PAPPA: variants seen among roughly 807,000 people sequenced by gnomAD.
PAPPA encodes pappalysin 1.
In PAPPA, 60 loss-of-function variants were observed where a neutral mutation model predicts 164.0. The observed-to-expected ratio is 0.37, with a 90% confidence interval of 0.30 to 0.45. PAPPA has a LOEUF of 0.45. PAPPA is among the 20% of genes least tolerant of loss of function. The pLI, the probability that PAPPA is intolerant of heterozygous loss-of-function variation, is 1.00. For missense variants in PAPPA, 1,782 were observed against 2,087.3 expected (o/e 0.85, Z 2.85); for synonymous variants, 875 against 814.1 (o/e 1.07, Z -1.27).
At chr9:116,393,119 G>T (rs187327998) in intron 21 of PAPPA, among the ~76,000 whole-genome samples, 1 of 152,302 alleles carries the variant, frequency 6.6e-6, no homozygotes, top group East Asian at 1.9e-4. Context: ...TGGTGGCAAG[G>T]CCTTACCAGC....
At chr9:116,363,170 A>T (rs10817872) in intron 18 of PAPPA, among the ~76,000 whole-genome samples, 52,917 of 152,036 alleles carry the variant, frequency 0.35, 9,496 homozygotes, top group Middle Eastern at 0.41. Context: ...ATTAATCTTG[A>T]AATTTGCATC....
chr9:116,334,967 G>T lies in PAPPA; in HGVS notation c.3504G>T (p.Ser1168=), dbSNP rs764994982. The T allele has an allele frequency of 1.2e-6, 2 of 1,613,546 alleles. No individual in the cohort carries two copies. The highest frequency in any genetic ancestry group is 1.7e-6 in the Non-Finnish European group (2 of 1,179,912). Residue 1168 remains serine (S), a synonymous_variant, in exon 13 of 22, where the codon TCG becomes TCT. Transcript: ENST00000328252. ...AGGCGGTACGTGTGAGCTTCAGTTC[G>T]CCCCTGGTCGCCATCTCGGGGGTGG... ...HSQAVRVSFS[S]PLVAISGVAL... is the part of the protein sequence containing the mutation.
intron 1 of PAPPA, among the ~76,000 whole-genome samples, chr9:116,155,728 C>A (rs1052378212): frequency 3.3e-5 from 5 of 152,132 alleles, no homozygotes; most frequent in African/African-American, 1.2e-4. Context: ...CTTGGACTTT[C>A]ACAGATGTAG....
At chr9:116,320,258 T>A (rs547365224) in intron 10 of PAPPA, among the ~76,000 whole-genome samples, 1 of 152,010 alleles carries the variant, frequency 6.6e-6, no homozygotes, top group African/African-American at 2.4e-5. Context: ...TGTGGGGAGG[T>A]GCCAGCCTGA....
intron 17 of PAPPA, among the ~76,000 whole-genome samples, chr9:116,355,323 A>G (rs932716266): frequency 6.6e-6 from 1 of 152,244 alleles, no homozygotes; most frequent in Non-Finnish European, 1.5e-5. Context: ...TACAGATGAG[A>G]AAACCAAGAC....
At chr9:116,291,626 C>T (rs1218596043) in intron 9 of PAPPA, among the ~76,000 whole-genome samples, 2 of 152,000 alleles carry the variant, frequency 1.3e-5, no homozygotes, top group South Asian at 2.1e-4. Flanking sequence ...AAGACAAGGG[C>T]CAGAAATATC....
intron 20 of PAPPA, among the ~76,000 whole-genome samples, chr9:116,380,846 C>A (rs145249366): frequency 2.0e-5 from 3 of 152,322 alleles, no homozygotes; most frequent in Non-Finnish European, 2.9e-5. Context: ...GAATTTGGAA[C>A]AGAGAGGCAA....
At chr9:116,192,376 C>T (rs964229180) in intron 2 of PAPPA, among the ~76,000 whole-genome samples, 2 of 152,138 alleles carry the variant, frequency 1.3e-5, no homozygotes, top group African/African-American at 4.8e-5. Flanking sequence ...TGGCTGAGAT[C>T]CAGACCATGA....
In PAPPA at chr9:116,232,947, G is replaced by A. The variant is rs140228945; in HGVS notation, c.2234-2192G>A. ...AGATTTGTCATCTTTGCTCTCCTGT[G>A]GCTTCCCACCCCTGACAGTCATTTT... On this transcript the variant is annotated intron_variant, in intron 6 of 21. Transcript: ENST00000328252. 7.0e-3 allele frequency among the ~76,000 whole-genome samples: 1,072 copies of A among 152,212 alleles called. 16 individuals carry two copies. The highest frequency in any genetic ancestry group is 0.025 in the African/African-American group (1,030 of 41,532).
intron 1 of PAPPA, among the ~76,000 whole-genome samples, chr9:116,180,121 G>A (rs549530891): frequency 3.9e-5 from 6 of 152,212 alleles, no homozygotes; most frequent in East Asian, 1.9e-4. Flanking sequence ...ACCTGTAATC[G>A]CTGGGATCTT....
chr9:116,164,007 G>T (rs184608091), intron 1 of PAPPA, among the ~76,000 whole-genome samples: 1 of 152,204 alleles, frequency 6.6e-6, no homozygotes, highest in East Asian at 1.9e-4. Context: ...CAGAAAACTT[G>T]CTGAGTGACT....
chr9:116,157,826 A>G (rs1843621279), intron 1 of PAPPA, among the ~76,000 whole-genome samples: 1 of 152,032 alleles, frequency 6.6e-6, no homozygotes, highest in African/African-American at 2.4e-5. Context: ...GTTGTTTCTG[A>G]CACATCCCTT....
chr9:116,164,124 G>T (rs1843696690), intron 1 of PAPPA, among the ~76,000 whole-genome samples: 1 of 152,112 alleles, frequency 6.6e-6, no homozygotes, highest in African/African-American at 2.4e-5. Context: ...TAGACCACCG[G>T]CCTTGTAGTA....
Position 116,187,516 on chromosome 9 carries a change from A to G in PAPPA, c.778A>G (p.Lys260Glu), listed in dbSNP as rs1843987237. 1 of 1,614,154 alleles carries G rather than the reference A, an allele frequency of 6.2e-7. No individual in the cohort carries two copies. The highest frequency in any genetic ancestry group is 8.5e-7 in the Non-Finnish European group (1 of 1,180,002). ...RGYIEHFSLW[K>E]VARTQREILS... ...CTACATCGAGCACTTCAGTCTGTGG[A>G]AGGTGGCCAGGACTCAGCGGGAGAT... is the stretch of plus-strand genomic sequence containing the variant. The change falls in exon 2 of 22, where the codon AAG (lysine) becomes GAG (glutamate). Residue 260 changes from lysine (K) to glutamate (E), a missense_variant. Physicochemically the swap from Lys to Glu is moderately conservative, Grantham distance 56 (BLOSUM62 1). This residue lies in a region of PAPPA where 458 missense variants were observed against 430.3 expected (regional missense o/e 1.06). Transcript: ENST00000328252. This position sits in a 1 kb window ranked among gnomAD's most constrained non-coding sequence, Gnocchi z 4.2.
chr9:116,265,933 G>A lies in PAPPA; in HGVS notation c.2809G>A (p.Ala937Thr). The A allele has an allele frequency of 1.2e-6, 2 of 1,612,764 alleles. No individual in the cohort carries two copies. Among genetic ancestry groups the A allele is most frequent in the Non-Finnish European group, 1.7e-6 (2 of 1,178,824 alleles). ...AACTGAAGAGAGTGAGCCATCACCT[G>A]CTGTCACATACATCCATGGAAGTGG... ...SGTEESEPSP[A>T]VTYIHGSGYC... Residue 937 changes from alanine to threonine, a missense_variant, in exon 8 of 22, where the codon GCT (alanine) becomes ACT (threonine). Physicochemically the swap from Ala to Thr is moderately conservative, Grantham distance 58 (BLOSUM62 0). This residue lies in a region of PAPPA where 1,324 missense variants were observed against 1,656.9 expected (regional missense o/e 0.80). Coordinates refer to ENST00000328252, the MANE Select transcript of PAPPA (RefSeq NM_002581.5).
Position 116,211,878 on chromosome 9 carries a change from T to C in PAPPA, c.1864T>C (p.Cys622Arg). Residue 622 changes from cysteine (C) to arginine (R), a missense_variant, in exon 4 of 22, where the codon TGT becomes CGT. By Grantham distance (180) the Cys-to-Arg change is radical. Around this residue, in one of 2 missense-constraint regions of PAPPA, gnomAD observed 1,324 missense variants for 1,656.9 expected, o/e 0.80. Coordinates refer to ENST00000328252, the MANE Select transcript of PAPPA (RefSeq NM_002581.5). ...CGDPGPGNDT[C>R]GFHSFFNTPY... ...TGACCCAGGGCCAGGAAATGACACC[T>C]GTGGCTTTCATAGCTTCTTCAACAC... 1.2e-6 allele frequency: 2 copies of C among 1,614,154 alleles called. No homozygotes were observed. Among genetic ancestry groups the C allele is most frequent in the Non-Finnish European group, 8.5e-7 (1 of 1,180,012 alleles).
rs139989923 is a variant in PAPPA, at chr9:116,311,005, T to C, written c.3147+8055T>C. On this transcript the variant is annotated intron_variant, in intron 10 of 21. Transcript: ENST00000328252. ...TTTTAAAGAAACACTTCTGTCTGCC[T>C]GTGAAGTTTTGGCAACTGAGGAACA... Among the ~76,000 whole-genome samples, 181 of 151,864 alleles carry C rather than the reference T, an allele frequency of 1.2e-3. 1 individual carries two copies. Among genetic ancestry groups the C allele is most frequent in the African/African-American group, 4.1e-3 (170 of 41,448 alleles).
At chr9:116,371,642 T>C (rs540132697) in intron 19 of PAPPA, among the ~76,000 whole-genome samples, 36 of 152,240 alleles carry the variant, frequency 2.4e-4, no homozygotes, top group African/African-American at 8.7e-4. Context: ...GAGGTCTCAC[T>C]GTGTTGCCCA....
At chr9:116,336,204 G>A (rs1846059342) in intron 13 of PAPPA, among the ~76,000 whole-genome samples, 1 of 151,878 alleles carries the variant, frequency 6.6e-6, no homozygotes, top group African/African-American at 2.4e-5. Flanking sequence ...CTCTCTGAAA[G>A]TCGATTCAGC....
Sources: gnomAD v4.1 joint callset for allele counts (sites outside exome capture counted in the v4.1 genomes callset) on GRCh38, gnomAD v4.1.1 for gene constraint, gnomAD v4.1.1 regional missense constraint, Gnocchi (gnomAD v3.1) non-coding constraint, MANE v1.5 for transcripts, NCBI Gene and HGNC (gene_info 2026-07-23, HGNC 2026-07-21) for gene names.